Variants in CWC22 observed in about 807,000 individuals in gnomAD.
The protein encoded by CWC22 is CWC22 spliceosome associated protein.
A neutral mutation model predicts 117.2 loss-of-function variants in CWC22; 53 were observed. The ratio of observed to expected loss-of-function variants is 0.45; its 90% confidence interval spans 0.36 to 0.57. The LOEUF (loss-of-function observed/expected upper bound fraction) is 0.57, where lower values mean the gene tolerates loss of function less well. Ranked by LOEUF, CWC22 falls within the 20% of genes least tolerant of loss-of-function variation. CWC22 has a pLI of 0.00. For synonymous variants in CWC22, 360 were observed against 355.6 expected, an observed-to-expected ratio of 1.01 and a Z score of -0.14; for missense variants, 980 against 1,068.8, an observed-to-expected ratio of 0.92 and a Z score of 1.16.
At chr2:179,960,412 A>G (rs1686721301) in intron 13 of CWC22, among the ~76,000 whole-genome samples, 1 of 152,068 alleles carries the variant, frequency 6.6e-6, no homozygotes, top group Non-Finnish European at 1.5e-5. Context: ...AACAACAGGT[A>G]GAATGGTTAA....
At position 179,944,933 on chromosome 2, in the gene CWC22, G is replaced by GA. The variant is rs1282690975; in HGVS notation, c.*195dup. 2.4e-6 allele frequency: 1 copy of GA among 423,052 alleles called. No homozygotes were observed. The highest frequency in any genetic ancestry group is 4.1e-6 in the Non-Finnish European group (1 of 242,384). The allele number at this position is 423,052 out of a possible 1,614,324, so 26.2% of individuals were successfully genotyped here. On this transcript the variant is annotated 3_prime_UTR_variant, in exon 20 of 20. Coordinates refer to ENST00000410053, the MANE Select transcript of CWC22 (RefSeq NM_020943.3). ...AGCGAGACTTACATCCCTTTCTGGTGAAAGTTTTCAAATAATTTTATGGGT... is the reference window on the plus strand; with the variant it reads ...AGCGAGACTTACATCCCTTTCTGGTGAAAAGTTTTCAAATAATTTTATGGGT...
In CWC22 at chr2:179,988,179, G is replaced by A. The variant is rs138137953; in HGVS notation, c.95+398C>T. On this transcript the variant is annotated intron_variant, in intron 3 of 19. Coordinates refer to ENST00000410053, the MANE Select transcript of CWC22 (RefSeq NM_020943.3). ...TGTGGCCTGGTCCATGGCTCTGGGG[G>A]TTGGGGACCCCTGTTATAATCTATA... is the stretch of plus-strand genomic sequence containing the variant. Among the ~76,000 whole-genome samples, 473 of 152,296 alleles carry A rather than the reference G, an allele frequency of 3.1e-3. 2 individuals are homozygous for A. Among genetic ancestry groups the A allele is most frequent in the African/African-American group, 0.011 (456 of 41,548 alleles).
intron 11 of CWC22, among the ~76,000 whole-genome samples, chr2:179,970,156 C>T (rs1021183616): frequency 6.6e-6 from 1 of 152,116 alleles, no homozygotes; most frequent in African/African-American, 2.4e-5. Context: ...AAGTATACCA[C>T]TTAATTGAAT....
Position 179,945,299 on chromosome 2 carries a change from T to A in CWC22, c.2557A>T (p.Lys853Ter). The A allele has an allele frequency of 6.2e-7, 1 of 1,613,720 alleles. No homozygotes were observed. Among genetic ancestry groups the A allele is most frequent in the Non-Finnish European group, 8.5e-7 (1 of 1,179,800 alleles). Reference sequence around the variant, plus strand: ...TGCTTTCTATTCATTTCCTTTGACTTTGATCTATCTTTTCTTCTGAAATTT... The same window carrying A: ...TGCTTTCTATTCATTTCCTTTGACTATGATCTATCTTTTCTTCTGAAATTT... ...SENFRRKDRSKSKEMNRKHSG... is the reference protein window; with the variant it reads ...SENFRRKDRS Residue 853 changes from lysine (K) to a stop codon, truncating the protein, a stop_gained, in exon 20 of 20, where the codon AAG becomes TAG. Coordinates refer to ENST00000410053, the MANE Select transcript of CWC22 (RefSeq NM_020943.3). LOFTEE classifies it high-confidence loss of function.
At chr2:179,946,630 A>T (rs1015585209) in intron 19 of CWC22, among the ~76,000 whole-genome samples, 2 of 152,194 alleles carry the variant, frequency 1.3e-5, no homozygotes, top group Non-Finnish European at 2.9e-5. Context: ...CTACTTAACA[A>T]ATTGAATCCA....
At chr2:180,001,176 ATGT>A (rs1419879515) in intron 1 of CWC22, among the ~76,000 whole-genome samples, 2 of 152,194 alleles carry the variant, frequency 1.3e-5, no homozygotes, top group African/African-American at 4.8e-5. Context: ...AAAATTCTAC[ATGT>A]TGAACTTTTT....
intron 6 of CWC22, among the ~76,000 whole-genome samples, chr2:179,976,947 G>C (rs1575650015): frequency 6.6e-6 from 1 of 152,276 alleles, no homozygotes; most frequent in East Asian, 1.9e-4. Context: ...TTGAGCTCAA[G>C]AGTACGAGAC....
chr2:179,963,716 T>G (rs1024343270), intron 13 of CWC22, among the ~76,000 whole-genome samples: 3 of 152,228 alleles, frequency 2.0e-5, no homozygotes, highest in Non-Finnish European at 4.4e-5. Flanking sequence ...TGTTTTGCTG[T>G]TTAACGTTCC....
At position 179,970,828 on chromosome 2, in the gene CWC22, C is replaced by A. The variant is rs746105155; in HGVS notation, c.969G>T (p.Leu323=). The A allele has an allele frequency of 1.2e-6, 2 of 1,613,482 alleles. No individual in the cohort carries two copies. Among genetic ancestry groups the A allele is most frequent in the Non-Finnish European group, 1.7e-6 (2 of 1,179,684 alleles). Residue 323 remains leucine, a synonymous_variant, in exon 10 of 20, where the codon CTG becomes CTT. Transcript: ENST00000410053. ...CTCTTTTGTCAATTTCAGACTCATG[C>A]AGAATGTTTCGAAGGCGTTCAAATA... ...NAIFERLRNI[L]HESEIDKRVQ...
At chr2:179,946,157 T>C (rs1445814444) in intron 19 of CWC22, among the ~76,000 whole-genome samples, 1 of 151,992 alleles carries the variant, frequency 6.6e-6, no homozygotes, top group Non-Finnish European at 1.5e-5. Flanking sequence ...ATATACAATA[T>C]TTCAGGCCAG....
intron 1 of CWC22, among the ~76,000 whole-genome samples, chr2:179,998,488 G>A (rs1292445043): frequency 6.6e-6 from 1 of 152,006 alleles, no homozygotes; most frequent in South Asian, 2.1e-4. Context: ...CTAGTAAATG[G>A]CAGAAGCTAA....
chr2:179,991,380 TAAAG>T lies in CWC22; in HGVS notation c.27+1931_27+1934del, dbSNP rs574284075. Among the ~76,000 whole-genome samples the T allele has an allele frequency of 3.4e-3, 520 of 152,240 alleles. 4 individuals are homozygous for T. The highest frequency in any genetic ancestry group is 0.012 in the African/African-American group (503 of 41,534). On this transcript the variant is annotated intron_variant, in intron 2 of 19. Transcript: ENST00000410053. ...ATCAAGGGAAGAGCTGAGTTTCACC[TAAAG>T]AAAGAATCAGCATCAACCCAGCTAG...
chr2:179,950,754 T>C (rs981770008), intron 18 of CWC22, 22 bp from the exon 19 acceptor site: 2 of 1,597,992 alleles, frequency 1.3e-6, no homozygotes, highest in African/African-American at 2.7e-5. Context: ...TATAATCTGT[T>C]AGATTCTATT....
At chr2:179,989,074 C>G (rs545197051) in intron 2 of CWC22, among the ~76,000 whole-genome samples, 56 of 151,950 alleles carry the variant, frequency 3.7e-4, no homozygotes, top group African/African-American at 6.3e-4. Flanking sequence ...TAACCACCCC[C>G]CTACTCTCCC....
chr2:179,977,019 G>A (rs561724220), intron 6 of CWC22, among the ~76,000 whole-genome samples: 2 of 152,218 alleles, frequency 1.3e-5, no homozygotes, highest in South Asian at 2.1e-4. Context: ...AGCCCAGTGT[G>A]GTGGTGAGTG....
At position 179,952,471 on chromosome 2, in the gene CWC22, T is replaced by A; in HGVS notation, c.1817A>T (p.Glu606Val). ...LPKLNARLKD[E>V]TLQPFFEGLL... Reference sequence around the variant, plus strand: ...AAAAAGTGCTTAATGGCAAACTTACTCATCCTTTAATCTTGCATTAAGTTT... The same window carrying A: ...AAAAAGTGCTTAATGGCAAACTTACACATCCTTTAATCTTGCATTAAGTTT... The change falls in exon 17 of 20, where the codon GAA (glutamate) becomes GTA (valine). Residue 606 changes from glutamate (E) to valine (V), a missense_variant and splice_region_variant. Physicochemically the swap from Glu to Val is moderately radical, Grantham distance 121. Transcript: ENST00000410053. The A allele has an allele frequency of 6.4e-7, 1 of 1,554,934 alleles. No homozygotes were observed.
intron 6 of CWC22, among the ~76,000 whole-genome samples, chr2:179,975,819 G>A (rs995595422): frequency 7.2e-5 from 11 of 152,148 alleles, no homozygotes; most frequent in African/African-American, 2.7e-4. Context: ...ATGTTAAAAT[G>A]TCCACAGTAC....
At chr2:179,958,186 C>T (rs761008317) in intron 14 of CWC22, among the ~76,000 whole-genome samples, 7 of 151,790 alleles carry the variant, frequency 4.6e-5, no homozygotes, top group Non-Finnish European at 5.9e-5. Flanking sequence ...CAAAAACTAG[C>T]CAGGTGTGGT....
chr2:180,004,569 A>G (rs1349638580), intron 1 of CWC22, among the ~76,000 whole-genome samples: 1 of 151,802 alleles, frequency 6.6e-6, no homozygotes, highest in Non-Finnish European at 1.5e-5. Flanking sequence ...TTTTTTTTGT[A>G]TTTTTAGTAG....
Sources: allele counts gnomAD v4.1 joint callset (sites outside exome capture counted in the v4.1 genomes callset), GRCh38; gene constraint gnomAD v4.1.1; transcripts MANE v1.5; gene names NCBI Gene and HGNC (gene_info 2026-07-23, HGNC 2026-07-21).